SLC4A10: variants seen among roughly 807,000 people sequenced by gnomAD.
SLC4A10 encodes the protein solute carrier family 4 member 10, also known as sodium-driven chloride bicarbonate exchanger.
Under a neutral mutation model 137.7 loss-of-function variants are expected in SLC4A10, and 42 were observed. The ratio of observed to expected loss-of-function variants is 0.30; its 90% CI spans 0.24 to 0.39. SLC4A10 has a LOEUF of 0.39. Among genes scored for constraint, SLC4A10 ranks in the 10% least tolerant of loss-of-function variants. The pLI is 1.00. For synonymous variants in SLC4A10, 474 were observed against 464.1 expected, an observed-to-expected ratio of 1.02 and a Z score of -0.27; for missense variants, 925 against 1,355.0, an observed-to-expected ratio of 0.68 and a Z score of 4.98.
At chr2:161,643,850 C>G (rs1296607182) in intron 1 of SLC4A10, among the ~76,000 whole-genome samples, 1 of 151,958 alleles carries the variant, frequency 6.6e-6, no homozygotes, top group African/African-American at 2.4e-5. Flanking sequence ...ACTTTTGAAA[C>G]AAATAGCAAT....
chr2:161,666,391 G>A (rs147891181), intron 1 of SLC4A10, among the ~76,000 whole-genome samples: 52 of 151,534 alleles, frequency 3.4e-4, no homozygotes, highest in Admixed American at 8.6e-4. Context: ...CTTTTTCTGC[G>A]TTTGGAATAA....
At chr2:161,659,716 A>G (rs1344718202) in intron 1 of SLC4A10, among the ~76,000 whole-genome samples, 1 of 152,228 alleles carries the variant, frequency 6.6e-6, no homozygotes, top group Non-Finnish European at 1.5e-5. Flanking sequence ...GAATGTTCAT[A>G]AGAACATTTA....
intron 3 of SLC4A10, among the ~76,000 whole-genome samples, chr2:161,812,149 G>T (rs1351145927): frequency 6.6e-6 from 1 of 151,774 alleles, no homozygotes; most frequent in African/African-American, 2.4e-5. Flanking sequence ...AATGTTTATA[G>T]ACATTTTTCT....
chr2:161,655,358 TCTTAC>T (rs2037365782), intron 1 of SLC4A10, among the ~76,000 whole-genome samples: 1 of 152,212 alleles, frequency 6.6e-6, no homozygotes. Flanking sequence ...TATTTCTTTT[TCTTAC>T]CTTATTTCTC....
In SLC4A10 at chr2:161,786,518, A is replaced by T. The variant is rs115215082; in HGVS notation, c.130+15464A>T. On this transcript the variant is annotated intron_variant, in intron 2 of 26. Coordinates refer to ENST00000446997, the MANE Select transcript of SLC4A10 (RefSeq NM_001178015.2). ...GCTTTATAGGATCTTTGGATTTTGT[A>T]CTTATATGAGCTTTTATGACAGGAG... Among the ~76,000 whole-genome samples the T allele has an allele frequency of 2.6e-3, 401 of 151,830 alleles. 1 individual carries two copies. Among genetic ancestry groups the T allele is most frequent in the Admixed American group, 4.5e-3 (68 of 15,264 alleles).
At chr2:161,919,954 G>A (rs1469991006) in intron 15 of SLC4A10, among the ~76,000 whole-genome samples, 1 of 152,192 alleles carries the variant, frequency 6.6e-6, no homozygotes, top group Admixed American at 6.5e-5. Context: ...GTTCCCCAGA[G>A]CCTGCAGTGT....
At chr2:161,927,124 A>T (rs1689300186) in intron 15 of SLC4A10, among the ~76,000 whole-genome samples, 1 of 152,148 alleles carries the variant, frequency 6.6e-6, no homozygotes, top group Admixed American at 6.5e-5. Context: ...AGATTGGGGA[A>T]GTTCTCCTGG....
intron 3 of SLC4A10, among the ~76,000 whole-genome samples, chr2:161,832,480 T>C (rs2058492817): frequency 6.6e-6 from 1 of 152,206 alleles, no homozygotes; most frequent in Non-Finnish European, 1.5e-5. Flanking sequence ...AGCAAACTTG[T>C]GGACCAAATT....
At chr2:161,714,702 G>A (rs2044658588) in intron 1 of SLC4A10, among the ~76,000 whole-genome samples, 1 of 151,882 alleles carries the variant, frequency 6.6e-6, no homozygotes, top group Admixed American at 6.6e-5. Context: ...CTCCAGAGCG[G>A]GACTCCTGTG....
At chr2:161,670,299 T>C (rs11684558) in intron 1 of SLC4A10, among the ~76,000 whole-genome samples, 5 of 147,332 alleles carry the variant, frequency 3.4e-5, no homozygotes, top group Non-Finnish European at 4.5e-5. Context: ...CCCTTTCATC[T>C]TCTTTTTTTT....
rs575932529 is a variant in SLC4A10 at position 161,774,888 on chromosome 2, A to G, written c.130+3834A>G. 3.9e-5 allele frequency among the ~76,000 whole-genome samples: 6 copies of G among 151,968 alleles called. No individual in the cohort carries two copies. The East Asian group carries it at 7.8e-4, about 20-fold the overall frequency. ...CAGAATCTGTTTCCTAGGAAAGCCA[A>G]TCCTCCAATTGATCATTTCCCTGTT... On this transcript the variant is annotated intron_variant, in intron 2 of 26. Coordinates refer to ENST00000446997, the MANE Select transcript of SLC4A10 (RefSeq NM_001178015.2).
At chr2:161,842,814 A>G (rs1186392671) in intron 4 of SLC4A10, among the ~76,000 whole-genome samples, 1 of 152,078 alleles carries the variant, frequency 6.6e-6, no homozygotes, top group Admixed American at 6.6e-5. Flanking sequence ...ATATAAGATC[A>G]TTTTTTCCAC....
chr2:161,933,722 G>C (rs770018590), intron 15 of SLC4A10, among the ~76,000 whole-genome samples: 1 of 152,052 alleles, frequency 6.6e-6, no homozygotes, highest in Non-Finnish European at 1.5e-5. Context: ...TTATCCTTTC[G>C]TCCATTGATG....
chr2:161,935,046 T>G (rs1575726415), intron 15 of SLC4A10, among the ~76,000 whole-genome samples: 1 of 152,180 alleles, frequency 6.6e-6, no homozygotes, highest in East Asian at 1.9e-4. Context: ...GTTTTAGGTA[T>G]TTAATCCTTT....
chr2:161,741,443 A>G (rs954175335), intron 1 of SLC4A10, among the ~76,000 whole-genome samples: 2 of 152,086 alleles, frequency 1.3e-5, no homozygotes, highest in Non-Finnish European at 2.9e-5. Flanking sequence ...TTCATCTTAC[A>G]TAACTGCAAG....
At chr2:161,870,088 GTTC>G (rs1302635254) in intron 6 of SLC4A10, among the ~76,000 whole-genome samples, 2 of 150,824 alleles carry the variant, frequency 1.3e-5, no homozygotes, top group African/African-American at 4.8e-5. Context: ...TTCTAAAATT[GTTC>G]TTGTTTTAGA....
At chr2:161,638,881 A>AG (rs1467373662) in intron 1 of SLC4A10, among the ~76,000 whole-genome samples, 1 of 151,064 alleles carries the variant, frequency 6.6e-6, no homozygotes, top group Non-Finnish European at 1.5e-5. Flanking sequence ...TAAGATAAAA[A>AG]AAGACAAATT....
chr2:161,627,538 T>C, intron 1 of SLC4A10, among the ~76,000 whole-genome samples: 1 of 152,106 alleles, frequency 6.6e-6, no homozygotes, highest in East Asian at 1.9e-4. Flanking sequence ...CAGATTCTCA[T>C]TAAGCCTCCC....
chr2:161,729,059 G>A (rs1462770570), intron 1 of SLC4A10, among the ~76,000 whole-genome samples: 1 of 151,970 alleles, frequency 6.6e-6, no homozygotes, highest in Non-Finnish European at 1.5e-5. Context: ...CAACCTGAAA[G>A]GGCACCCCTC....
Sources: gnomAD v4.1 joint callset for allele counts (sites outside exome capture counted in the v4.1 genomes callset) on GRCh38, gnomAD v4.1.1 for gene constraint, MANE v1.5 for transcripts, NCBI Gene and HGNC (gene_info 2026-07-23, HGNC 2026-07-21) for gene names.